Variants in PHF24 observed in about 807,000 individuals in gnomAD.
PHF24 encodes PHD finger protein 24.
PHF24 carries 25 observed loss-of-function variants against 42.6 expected under a neutral mutation model. The observed-to-expected ratio is 0.59, with a 90% CI of 0.43 to 0.82. The LOEUF is 0.82. Among genes scored for constraint, PHF24 ranks in the 40% least tolerant of loss-of-function variants. PHF24 has a pLI of 0.00. For missense variants in PHF24, 470 were observed against 538.1 expected (o/e 0.87, Z 1.25); for synonymous variants, 185 against 204.8 (o/e 0.90, Z 0.83).
At chr9:34,882,536 C>T in the PHF24 span, among the ~76,000 whole-genome samples, 13 of 147,472 alleles carry the variant, frequency 8.8e-5, no homozygotes, top group East Asian at 1.9e-3. Context: ...AAAATCAATA[C>T]GCAAAAATCA....
chr9:34,908,842 C>CTTTTTTTTTTT, the PHF24 span, among the ~76,000 whole-genome samples: 186 of 135,320 alleles, frequency 1.4e-3, no homozygotes, highest in Non-Finnish European at 1.8e-3. Context: ...CTTTTCTTTT[C>CTTTTTTTTTTT]TTTTTTTTTT....
chr9:34,937,527 C>T, the PHF24 span, among the ~76,000 whole-genome samples: 1 of 152,238 alleles, frequency 6.6e-6, no homozygotes, highest in South Asian at 2.1e-4. Context: ...GCCGCAGGGT[C>T]CTCTGCCTAG....
the PHF24 span, among the ~76,000 whole-genome samples, chr9:34,700,392 T>G: frequency 2.6e-5 from 4 of 152,018 alleles, no homozygotes; most frequent in Non-Finnish European, 5.9e-5. Flanking sequence ...TGAGAAGTGC[T>G]CAGATTCTGG....
the PHF24 span, among the ~76,000 whole-genome samples, chr9:34,882,613 A>G: frequency 6.6e-6 from 1 of 151,272 alleles, no homozygotes; most frequent in Non-Finnish European, 1.5e-5. Flanking sequence ...CCTGTTCACA[A>G]TTGCTTCAAA....
the PHF24 span, among the ~76,000 whole-genome samples, chr9:34,732,731 C>T: frequency 6.6e-6 from 1 of 152,118 alleles, no homozygotes; most frequent in African/African-American, 2.4e-5. Flanking sequence ...TTCCTCAATA[C>T]TCCTGTATCT....
the PHF24 span, chr9:34,922,163 A>G: frequency 6.3e-7 from 1 of 1,580,220 alleles, no homozygotes; most frequent in Non-Finnish European, 8.6e-7. Context: ...AGAACGAGGC[A>G]GACAAAAGTT....
the PHF24 span, among the ~76,000 whole-genome samples, chr9:34,902,848 A>G: frequency 3.9e-5 from 6 of 152,172 alleles, no homozygotes; most frequent in African/African-American, 1.4e-4. Flanking sequence ...GTGTCAGCAA[A>G]TCTCTGTGGA....
chr9:34,922,844 C>T, the PHF24 span: 2 of 1,588,848 alleles, frequency 1.3e-6, no homozygotes, highest in African/African-American at 1.3e-5. Context: ...TTACAGACTT[C>T]ATGCAGGCTG....
chr9:34,911,882 T>C, the PHF24 span, among the ~76,000 whole-genome samples: 29,857 of 152,092 alleles, frequency 0.2, 3,043 homozygotes, highest in South Asian at 0.25. Flanking sequence ...ACAATCCAAA[T>C]GGAGGCAGTG....
chr9:34,738,901 T>G, the PHF24 span, among the ~76,000 whole-genome samples: 3 of 152,148 alleles, frequency 2.0e-5, no homozygotes, highest in East Asian at 1.9e-4. Context: ...AACATCAGTA[T>G]CTGAGGATGA....
the PHF24 span, among the ~76,000 whole-genome samples, chr9:34,777,069 G>A: frequency 1.3e-5 from 2 of 152,232 alleles, no homozygotes; most frequent in Non-Finnish European, 2.9e-5. Flanking sequence ...GGATGGGGAT[G>A]CCAGGTAAGG....
chr9:34,697,195 C>T, the PHF24 span, among the ~76,000 whole-genome samples: 11 of 152,316 alleles, frequency 7.2e-5, 1 homozygote, highest in South Asian at 1.0e-3. Context: ...GCTAGAACCT[C>T]GCTGGCCTGT....
chr9:34,674,065 G>A, the PHF24 span, among the ~76,000 whole-genome samples: 1 of 152,212 alleles, frequency 6.6e-6, no homozygotes, highest in Non-Finnish European at 1.5e-5. Flanking sequence ...CTCATACCTA[G>A]TTTTGATATA....
At chr9:34,776,487 T>C in the PHF24 span, among the ~76,000 whole-genome samples, 23 of 152,258 alleles carry the variant, frequency 1.5e-4, no homozygotes, top group Non-Finnish European at 5.9e-5. Context: ...GTTAAAGTGT[T>C]TGAATGTATT....
chr9:34,677,995 G>T, the PHF24 span: 1 of 152,218 alleles, frequency 6.6e-6, no homozygotes, highest in Non-Finnish European at 1.5e-5. Context: ...CTGTGAGGGT[G>T]TTGCCAAAGG....
chr9:34,976,571 G>A lies in PHF24; in HGVS notation c.680G>A (p.Arg227His), dbSNP rs774639353. ...ACACTGGAGGACTTTCTGCGTTACC[G>A]CCACCAAGCAGCCAAGCGGGGGGAC... The change falls in exon 5 of 8, where the codon CGC becomes CAC. Residue 227 changes from arginine to histidine, a missense_variant. By Grantham distance (29) the Arg-to-His change is conservative. Transcript: ENST00000242315. The A allele has an allele frequency of 2.4e-5, 38 of 1,613,902 alleles. No homozygotes were observed. Among genetic ancestry groups the A allele is most frequent in the Middle Eastern group, 1.6e-4 (1 of 6,082 alleles).
the PHF24 span, among the ~76,000 whole-genome samples, chr9:34,867,561 A>G: frequency 5.3e-5 from 8 of 152,342 alleles, no homozygotes; most frequent in Admixed American, 3.3e-4. Context: ...AGGAACAGCC[A>G]GTCACTGGAG....
At chr9:34,832,687 G>A in the PHF24 span, 1 of 1,543,012 alleles carries the variant, frequency 6.5e-7, no homozygotes, top group Non-Finnish European at 8.8e-7. Flanking sequence ...GACTCTGTAA[G>A]GCTGGGCTTC....
At chr9:34,951,368 G>A in the PHF24 span, among the ~76,000 whole-genome samples, 1 of 152,142 alleles carries the variant, frequency 6.6e-6, no homozygotes, top group African/African-American at 2.4e-5. Flanking sequence ...ATTAAGTTAA[G>A]GATCTTGAAA....
Sources: allele counts gnomAD v4.1 joint callset (sites outside exome capture counted in the v4.1 genomes callset), GRCh38; gene constraint gnomAD v4.1.1; transcripts MANE v1.5; gene names NCBI Gene and HGNC (gene_info 2026-07-23, HGNC 2026-07-21).